Variants in THBS3 observed in about 807,000 individuals in gnomAD.
THBS3 encodes the protein thrombospondin-3.
A neutral mutation model predicts 118.3 loss-of-function variants in THBS3; 78 were observed. The ratio of observed to expected loss-of-function variants is 0.66; its 90% CI spans 0.55 to 0.80. The LOEUF is 0.80. Among genes scored for constraint, THBS3 ranks in the 30% least tolerant of loss-of-function variants. THBS3 has a pLI of 0.00. For missense variants in THBS3, 1,057 were observed against 1,247.4 expected (o/e 0.85, Z 2.30); for synonymous variants, 427 against 475.3 (o/e 0.90, Z 1.32).
intron 1 of THBS3, among the ~76,000 whole-genome samples, chr1:155,207,493 G>C (rs1670731329): frequency 6.6e-6 from 1 of 151,452 alleles, no homozygotes; most frequent in African/African-American, 2.4e-5. Flanking sequence ...TGCTCTCCCA[G>C]ACCCTAGGGT....
chr1:155,197,376 C>T lies in THBS3; in HGVS notation c.2499+87G>A. On this transcript the variant is annotated intron_variant, in intron 20 of 22. Transcript: ENST00000368378. The surrounding 1 kb of genome is among the most constrained non-coding windows in gnomAD (Gnocchi z 5.0). ...GCCAGATGTCTGGGTAAGAGGGTTC[C>T]CAGTCAAGCAGTGGGGGAGGCCCTG... 6.5e-7 allele frequency: 1 copy of T among 1,548,592 alleles called. No homozygotes were observed. Among genetic ancestry groups the T allele is most frequent in the Non-Finnish European group, 8.8e-7 (1 of 1,140,628 alleles).
chr1:155,205,602 A>G, intron 2 of THBS3: 2 of 373,780 alleles, frequency 5.4e-6, no homozygotes, highest in Non-Finnish European at 4.9e-6. Context: ...ACATGGCGAA[A>G]CCCTGTTTCT....
chr1:155,205,417 T>G, intron 2 of THBS3, 101 bp from the exon 3 acceptor site: 16 of 1,441,268 alleles, frequency 1.1e-5, no homozygotes, highest in South Asian at 1.3e-5. Context: ...CTAGGGCCCC[T>G]ATCCCTAATT....
chr1:155,208,785 C>A, upstream of THBS3: 1 of 1,499,930 alleles, frequency 6.7e-7, no homozygotes, highest in Non-Finnish European at 8.9e-7. Context: ...CCGCTCCAAA[C>A]ATAACGCGCT....
chr1:155,201,247 TC>T (rs748328045), intron 11 of THBS3, 43 bp from the exon 12 acceptor site: 17 of 1,611,078 alleles, frequency 1.1e-5, no homozygotes, highest in Non-Finnish European at 1.3e-5. Context: ...TTGGTCTGGC[TC>T]CCCTCCTCCC....
rs748584696 is a variant in THBS3 at position 155,202,916 on chromosome 1, G to A, written c.853C>T (p.Arg285Ter). 20 of 1,613,814 alleles carry A rather than the reference G, an allele frequency of 1.2e-5. No homozygotes were observed. Among genetic ancestry groups the A allele is most frequent in the South Asian group, 7.7e-5 (7 of 91,080 alleles). The change falls in exon 8 of 23, where the codon CGA becomes TGA. Residue 285 changes from arginine to a stop codon, truncating the protein, a stop_gained. Coordinates refer to ENST00000368378, the MANE Select transcript of THBS3 (RefSeq NM_007112.5). LOFTEE classifies it high-confidence loss of function. The surrounding 1 kb of genome is among the most constrained non-coding windows in gnomAD (Gnocchi z 5.5). ...TACACTTCCATGCAGTCCACACCTC[G>A]GAAGCAGGGATTGGGGCTGCAGTGG... ...RSHCSPNPCFRGVDCMEVYEY... is the reference protein window; with the variant it reads ...RSHCSPNPCF
At position 155,206,253 on chromosome 1, in the gene THBS3, C is replaced by A. The variant is rs144786490; in HGVS notation, c.233G>T (p.Arg78Leu). The A allele has an allele frequency of 1.2e-6, 2 of 1,614,064 alleles. No homozygotes were observed. The highest frequency in any genetic ancestry group is 1.1e-5 in the South Asian group (1 of 91,066). The change falls in exon 2 of 23, where the codon CGC becomes CTC. Residue 78 changes from arginine (R) to leucine (L), a missense_variant. Transcript: ENST00000368378. This position sits in a 1 kb window ranked among gnomAD's most constrained non-coding sequence, Gnocchi z 4.2. ...CTCCAGCCATCGAGTGTTGTCTTGG[C>A]GAGAATAGAGGCCAAAGAGGACACC... is the stretch of plus-strand genomic sequence containing the variant. ...QGGVLFGLYSRQDNTRWLEAS... is the reference protein window; with the variant it reads ...QGGVLFGLYSLQDNTRWLEAS...
intron 14 of THBS3, 147 bp from the exon 15 acceptor site, chr1:155,200,260 A>C: frequency 1.0e-6 from 1 of 979,760 alleles, no homozygotes; most frequent in South Asian, 1.6e-5. Flanking sequence ...TCTAGTCCAC[A>C]CTCTGCCTAA....
rs1236566996 is a variant in THBS3, at chr1:155,195,852, C to T, written c.2860G>A (p.Gly954Arg). ...FEPFRRQLLQGRV is the reference protein window; with the variant it reads ...FEPFRRQLLQRRV ...TGGTGGCCTCCTCCTCACACCCTTC[C>T]CTGGAGCAGCTGCCTCCGGAATGGC... Residue 954 changes from glycine to arginine, a missense_variant, in exon 23 of 23, where the codon GGA becomes AGA. Transcript: ENST00000368378. The T allele has an allele frequency of 6.2e-7, 1 of 1,614,010 alleles. No homozygotes were observed. Among genetic ancestry groups the T allele is most frequent in the Non-Finnish European group, 8.5e-7 (1 of 1,180,012 alleles).
intron 13 of THBS3, 126 bp from the exon 14 acceptor site, chr1:155,200,736 TCCCACCCA>T: frequency 6.4e-7 from 1 of 1,558,154 alleles, no homozygotes; most frequent in Non-Finnish European, 8.7e-7. Context: ...CTCAGTACAG[TCCCACCCA>T]CCCAGCCTCC....
rs1432517808 is a variant in THBS3 at position 155,201,340 on chromosome 1, C to T, written c.1329+77G>A. 7.0e-6 allele frequency: 11 copies of T among 1,568,408 alleles called. No homozygotes were observed. In the African/African-American group the frequency reaches 8.1e-5, roughly 12 times the overall value. ...CCCACCTCTCTCCTATGAAGACCCC[C>T]AACCCAGGCCCTAAACATAGCCCTA... On this transcript the variant is annotated intron_variant, in intron 11 of 22. Transcript: ENST00000368378.
Position 155,205,241 on chromosome 1 carries a change from C to T in THBS3, c.362G>A (p.Arg121His), listed in dbSNP as rs528865017. 3.9e-5 allele frequency: 63 copies of T among 1,614,092 alleles called. No individual in the cohort carries two copies. Among genetic ancestry groups the T allele is most frequent in the South Asian group, 5.5e-5 (5 of 91,086 alleles). Residue 121 changes from arginine to histidine, a missense_variant, in exon 3 of 23, where the codon CGC becomes CAC. Transcript: ENST00000368378. ...GAGTCGCAGGAGAACTGTGTGTGTG[C>T]GCCCATCAGCCAGGCCCGCTTGCTG... ...NLQQAGLADG[R>H]THTVLLRLRG...
rs2147987653 is a variant in THBS3 at position 155,202,875 on chromosome 1, G to A, written c.894C>T (p.Tyr298=). The A allele has an allele frequency of 6.2e-7, 1 of 1,613,776 alleles. No individual in the cohort carries two copies. Among genetic ancestry groups the A allele is most frequent in the Non-Finnish European group, 8.5e-7 (1 of 1,180,040 alleles). ...DCMEVYEYPG[Y]RCGPCPPGLQ... ...GGCCAGGGGGGCAGGGCCCACAGCGGTAGCCTGGGTACTCGTACACTTCCA... is the reference window on the plus strand; with the variant it reads ...GGCCAGGGGGGCAGGGCCCACAGCGATAGCCTGGGTACTCGTACACTTCCA... The change falls in exon 8 of 23, where the codon TAC becomes TAT. Residue 298 remains tyrosine (Y), a synonymous_variant. Coordinates refer to ENST00000368378, the MANE Select transcript of THBS3 (RefSeq NM_007112.5). The surrounding 1 kb of genome is among the most constrained non-coding windows in gnomAD (Gnocchi z 5.5).
intron 21 of THBS3, chr1:155,196,478 CAGGCACCTTAA>C (rs1668696707): frequency 3.3e-6 from 1 of 300,984 alleles, no homozygotes; most frequent in Non-Finnish European, 6.2e-6. Flanking sequence ...CCCACAGCCC[CAGGCACCTTAA>C]AGGGGAACCA....
In THBS3 at chr1:155,207,837, G is replaced by A. The variant is rs375523531; in HGVS notation, c.40C>T (p.Leu14Phe). The change falls in exon 1 of 23, where the codon CTC (leucine) becomes TTC (phenylalanine). Residue 14 changes from leucine to phenylalanine, a missense_variant. Physicochemically the swap from Leu to Phe is conservative, Grantham distance 22. Coordinates refer to ENST00000368378, the MANE Select transcript of THBS3 (RefSeq NM_007112.5). ...QELRGALALL[L>F]LCFFTSASQD... ...CTGGCAGATGTGAAAAAGCAAAGGA[G>A]GAGAAGAGCCAGGGCCCCCCGAAGT... is the stretch of plus-strand genomic sequence containing the variant. 5 of 1,613,946 alleles carry A rather than the reference G, an allele frequency of 3.1e-6. No individual in the cohort carries two copies. The highest frequency in any genetic ancestry group is 4.2e-6 in the Non-Finnish European group (5 of 1,180,022).
Position 155,197,704 on chromosome 1 carries a change from GC to G in THBS3, c.2303-46del, listed in dbSNP as rs981455117. On this transcript the variant is annotated intron_variant, in intron 19 of 22. Transcript: ENST00000368378. The surrounding 1 kb of genome is among the most constrained non-coding windows in gnomAD (Gnocchi z 5.0). ...AAGGTCAGGGGCAGCAAAGCTACTG[GC>G]GGCCCATCATGGGGTAAAGTTGGGA... The G allele has an allele frequency of 6.2e-7, 1 of 1,605,870 alleles. No individual in the cohort carries two copies. The highest frequency in any genetic ancestry group is 1.3e-5 in the African/African-American group (1 of 74,718).
chr1:155,200,040 C>T lies in THBS3; in HGVS notation c.1782G>A (p.Val594=). The T allele has an allele frequency of 6.2e-7, 1 of 1,603,460 alleles. No individual in the cohort carries two copies. The highest frequency in any genetic ancestry group is 8.5e-7 in the Non-Finnish European group (1 of 1,174,120). ...CAGGGCAGCTGTCGCAAGCATCTCCCACCCCGTCCTCATCCCTGTCTGTCT... is the reference window on the plus strand; with the variant it reads ...CAGGGCAGCTGTCGCAAGCATCTCCTACCCCGTCCTCATCCCTGTCTGTCT... ...PLQTDRDEDG[V]GDACDSCPEM... The change falls in exon 15 of 23, where the codon GTG becomes GTA. Residue 594 remains valine (V), a synonymous_variant. Coordinates refer to ENST00000368378, the MANE Select transcript of THBS3 (RefSeq NM_007112.5).
chr1:155,198,240 G>A lies in THBS3; in HGVS notation c.2075-20C>T, dbSNP rs1207322005. 6.2e-7 allele frequency: 1 copy of A among 1,613,048 alleles called. No homozygotes were observed. The highest frequency in any genetic ancestry group is 2.2e-5 in the East Asian group (1 of 44,868). Reference sequence around the variant, plus strand: ...CATTGCCTGGGCAGAGTGAGGCTGGGTGCTCAGGAAGGCCCTGGCCACTGC... The same window carrying A: ...CATTGCCTGGGCAGAGTGAGGCTGGATGCTCAGGAAGGCCCTGGCCACTGC... On this transcript the variant is annotated intron_variant, in intron 17 of 22. Coordinates refer to ENST00000368378, the MANE Select transcript of THBS3 (RefSeq NM_007112.5).
rs1464159920 is a variant in THBS3, at chr1:155,201,573, A to G, written c.1177-4T>C. The G allele has an allele frequency of 6.2e-7, 1 of 1,613,246 alleles. No individual in the cohort carries two copies. Among genetic ancestry groups the G allele is most frequent in the African/African-American group, 1.3e-5 (1 of 75,034 alleles). The stretch of plus-strand genomic sequence containing the variant: ...AGGGACCACACTTGAAAGAGCCCTA[A>G]GAGTGGAGAGGCAGCATCTTAGGAA... On this transcript the variant is annotated splice_region_variant and splice_polypyrimidine_tract_variant and intron_variant, in intron 10 of 22. Coordinates refer to ENST00000368378, the MANE Select transcript of THBS3 (RefSeq NM_007112.5).
Sources: gnomAD v4.1 joint callset for allele counts (sites outside exome capture counted in the v4.1 genomes callset) on GRCh38, gnomAD v4.1.1 for gene constraint, Gnocchi (gnomAD v3.1) non-coding constraint, MANE v1.5 for transcripts, NCBI Gene and HGNC (gene_info 2026-07-23, HGNC 2026-07-21) for gene names.